The following PACRG variants were observed in gnomAD, a reference collection of about 807,000 sequenced individuals.
PACRG encodes the protein parkin coregulated gene protein.
In PACRG, 29 loss-of-function variants were observed where a neutral mutation model predicts 29.7. The ratio of observed to expected loss-of-function variants is 0.98; its 90% CI spans 0.73 to 1.33. The LOEUF is 1.33. Among genes scored for constraint, PACRG ranks in the 40% most tolerant of loss-of-function variants. PACRG has a pLI of 0.00. For synonymous variants in PACRG, 116 were observed against 118.7 expected (o/e 0.98, Z 0.15); for missense variants, 279 against 316.2 (o/e 0.88, Z 0.89).
chr6:162,923,129 T>G (rs1163637470), intron 2 of PACRG, among the ~76,000 whole-genome samples: 1 of 152,202 alleles, frequency 6.6e-6, no homozygotes, highest in African/African-American at 2.4e-5. Flanking sequence ...TGATTAGTGA[T>G]GCTGAGCATT....
chr6:162,874,151 A>AAATATAT lies in PACRG; in HGVS notation c.291+59871_291+59872insATATATA, dbSNP rs67812561. 4.8e-3 allele frequency among the ~76,000 whole-genome samples: 648 copies of AAATATAT among 136,268 alleles called. 6 individuals carry two copies. Among genetic ancestry groups the AAATATAT allele is most frequent in the Admixed American group, 0.028 (376 of 13,502 alleles). 89.4% of individuals were successfully genotyped at this position (136,268 alleles called of 152,430 possible). On this transcript the variant is annotated intron_variant, in intron 2 of 4. Transcript: ENST00000366888. Reference sequence around the variant, plus strand: ...AACATGAGGGAGTTAAAAAAAAAAAAATATATATATATATATGTATATATA... The same window carrying AAATATAT: ...AACATGAGGGAGTTAAAAAAAAAAAAAATATATATATATATATATATATGTATATATA...
At chr6:162,856,466 A>G (rs765103790) in intron 2 of PACRG, among the ~76,000 whole-genome samples, 6 of 152,182 alleles carry the variant, frequency 3.9e-5, no homozygotes, top group Non-Finnish European at 8.8e-5. Context: ...GAGTCATTTC[A>G]ACATGATGAA....
intron 4 of PACRG, among the ~76,000 whole-genome samples, chr6:163,281,898 A>G (rs970150819): frequency 8.5e-5 from 13 of 152,226 alleles, no homozygotes; most frequent in Admixed American, 7.9e-4. Flanking sequence ...CTTTCTTATT[A>G]AAACAAAATC....
chr6:162,803,937 C>T (rs1019788627), intron 1 of PACRG, among the ~76,000 whole-genome samples: 24 of 152,010 alleles, frequency 1.6e-4, no homozygotes, highest in Middle Eastern at 6.9e-3. Context: ...AATGTAATTA[C>T]AATAGGCAAA....
chr6:162,779,379 C>T (rs1319264001), intron 1 of PACRG, among the ~76,000 whole-genome samples: 2 of 152,180 alleles, frequency 1.3e-5, no homozygotes, highest in Non-Finnish European at 2.9e-5. Flanking sequence ...GCCTTATCTA[C>T]AGTGCTGGGT....
intron 1 of PACRG, among the ~76,000 whole-genome samples, chr6:162,759,514 T>C (rs1292184994): frequency 6.6e-6 from 1 of 152,234 alleles, no homozygotes. Context: ...TGGGTATCAT[T>C]TATTTAAATG....
At chr6:162,734,149 TG>T in intron 1 of PACRG, among the ~76,000 whole-genome samples, 1 of 152,328 alleles carries the variant, frequency 6.6e-6, no homozygotes, top group South Asian at 2.1e-4. Flanking sequence ...ATGCCAATGA[TG>T]TTATATAGAT....
chr6:162,818,612 A>G (rs1387243620), intron 2 of PACRG, among the ~76,000 whole-genome samples: 1 of 152,232 alleles, frequency 6.6e-6, no homozygotes, highest in Non-Finnish European at 1.5e-5. Context: ...TTTAGAAATA[A>G]CTATATCATA....
chr6:163,261,401 C>G (rs1585379841), intron 4 of PACRG, among the ~76,000 whole-genome samples: 1 of 152,068 alleles, frequency 6.6e-6, no homozygotes, highest in Admixed American at 6.5e-5. Flanking sequence ...TCCTAATGCT[C>G]TCCCTCCCCT....
At chr6:163,174,857 G>A (rs1469754245) in intron 4 of PACRG, among the ~76,000 whole-genome samples, 2 of 151,958 alleles carry the variant, frequency 1.3e-5, no homozygotes, top group Non-Finnish European at 2.9e-5. Flanking sequence ...TGCCTCCACT[G>A]TCTCATTGAG....
chr6:163,200,782 A>G (rs1166195433), intron 4 of PACRG, among the ~76,000 whole-genome samples: 1 of 152,238 alleles, frequency 6.6e-6, no homozygotes, highest in East Asian at 1.9e-4. Context: ...CAATTGCCCC[A>G]GTTTGCTCAG....
At chr6:162,787,708 G>C (rs1784619110) in intron 1 of PACRG, among the ~76,000 whole-genome samples, 1 of 148,834 alleles carries the variant, frequency 6.7e-6, no homozygotes, top group African/African-American at 2.5e-5. Flanking sequence ...CAACATAATG[G>C]TATCCATGTT....
intron 1 of PACRG, among the ~76,000 whole-genome samples, chr6:162,775,476 A>T (rs749648275): frequency 1.3e-5 from 2 of 152,242 alleles, no homozygotes; most frequent in Non-Finnish European, 2.9e-5. Flanking sequence ...CAAATGCATT[A>T]TTACATATGC....
At chr6:162,889,216 A>C (rs76305182) in intron 2 of PACRG, among the ~76,000 whole-genome samples, 2,247 of 152,256 alleles carry the variant, frequency 0.015, 57 homozygotes, top group African/African-American at 0.052. Context: ...ATGTTATTCT[A>C]TAATATACTT....
chr6:163,047,583 T>G (rs1453232655), intron 2 of PACRG, among the ~76,000 whole-genome samples: 1 of 152,208 alleles, frequency 6.6e-6, no homozygotes, highest in African/African-American at 2.4e-5. Flanking sequence ...GAGATCTGCT[T>G]ACAACTGACC....
intron 2 of PACRG, among the ~76,000 whole-genome samples, chr6:162,897,828 T>C (rs1409101045): frequency 6.6e-6 from 1 of 152,144 alleles, no homozygotes; most frequent in Non-Finnish European, 1.5e-5. Flanking sequence ...GCAGAAAGGG[T>C]TTAGCCCTGG....
intron 1 of PACRG, among the ~76,000 whole-genome samples, chr6:162,767,795 A>G (rs1425784137): frequency 2.0e-5 from 3 of 151,932 alleles, no homozygotes; most frequent in Non-Finnish European, 2.9e-5. Flanking sequence ...TTGAGGATTA[A>G]TACATGCTAT....
At chr6:163,000,028 C>T (rs140816912) in intron 2 of PACRG, among the ~76,000 whole-genome samples, 1 of 152,302 alleles carries the variant, frequency 6.6e-6, no homozygotes, top group African/African-American at 2.4e-5. Flanking sequence ...TGGTTGGATT[C>T]GTTTCAATGG....
At chr6:162,907,244 G>T (rs1263659156) in intron 2 of PACRG, among the ~76,000 whole-genome samples, 1 of 151,922 alleles carries the variant, frequency 6.6e-6, no homozygotes, top group Admixed American at 6.6e-5. Flanking sequence ...TTTAAAATAC[G>T]GCTGCTCCCT....
Sources: allele counts gnomAD v4.1 joint callset (sites outside exome capture counted in the v4.1 genomes callset), GRCh38; gene constraint gnomAD v4.1.1; transcripts MANE v1.5; gene names NCBI Gene and HGNC (gene_info 2026-07-23, HGNC 2026-07-21).